The following IL31RA variants were observed in gnomAD, a reference collection of about 807,000 sequenced individuals.
The protein encoded by IL31RA is interleukin-31 receptor subunit alpha.
In IL31RA, 66 loss-of-function variants were observed where a neutral mutation model predicts 83.7. The ratio of observed to expected loss-of-function variants is 0.79; its 90% CI spans 0.65 to 0.97. The LOEUF (loss-of-function observed/expected upper bound fraction) is 0.97. Ranked by LOEUF, IL31RA falls within the 50% of genes least tolerant of loss-of-function variation. The pLI is 0.00. For synonymous variants in IL31RA, 325 were observed against 329.0 expected, an observed-to-expected ratio of 0.99 and a Z score of 0.13; for missense variants, 798 against 919.4, an observed-to-expected ratio of 0.87 and a Z score of 1.71.
At chr5:55,911,802 TGAAG>T (rs1749517159) in intron 12 of IL31RA, among the ~76,000 whole-genome samples, 1 of 152,170 alleles carries the variant, frequency 6.6e-6, no homozygotes, top group Non-Finnish European at 1.5e-5. Context: ...AGATTAAAAA[TGAAG>T]GAACACTGCC....
At chr5:55,880,191 T>C (rs989667898) in intron 4 of IL31RA, among the ~76,000 whole-genome samples, 5 of 152,258 alleles carry the variant, frequency 3.3e-5, no homozygotes, top group African/African-American at 1.2e-4. Flanking sequence ...ATGTCTATTG[T>C]ATACAGCTCT....
intron 6 of IL31RA, among the ~76,000 whole-genome samples, chr5:55,892,155 A>T (rs191756199): frequency 6.6e-6 from 1 of 152,154 alleles, no homozygotes; most frequent in Non-Finnish European, 1.5e-5. Context: ...TGATGGCCAC[A>T]CATCTTCTTC....
chr5:55,864,340 T>C (rs1329840821), intron 2 of IL31RA, among the ~76,000 whole-genome samples: 5 of 63,740 alleles, frequency 7.8e-5, no homozygotes, highest in East Asian at 6.1e-4. Context: ...CACACCACAC[T>C]ACACACACAC....
chr5:55,910,542 C>A lies in IL31RA; in HGVS notation c.1512C>A (p.Val504=). The A allele has an allele frequency of 6.2e-7, 1 of 1,614,132 alleles. No homozygotes were observed. Among genetic ancestry groups the A allele is most frequent in the Non-Finnish European group, 8.5e-7 (1 of 1,180,034 alleles). ...GTATTTTTCCTTTAGCCAAGACAGT[C>A]AATTCCAGCATCTTGCAGTACGGCC... ...AEGGKGFSKT[V]NSSILQYGLE... Residue 504 remains valine (V), a synonymous_variant, in exon 12 of 15, where the codon GTC becomes GTA. Transcript: ENST00000652347.
chr5:55,843,289 C>A, the IL31RA span, among the ~76,000 whole-genome samples: 3 of 152,294 alleles, frequency 2.0e-5, no homozygotes, highest in Non-Finnish European at 4.4e-5. Context: ...TTGCTTGATT[C>A]TGCAGGAAGT....
At chr5:55,904,952 T>C (rs950165282) in intron 8 of IL31RA, among the ~76,000 whole-genome samples, 2 of 151,286 alleles carry the variant, frequency 1.3e-5, no homozygotes, top group African/African-American at 2.4e-5. Flanking sequence ...TCCCAGCACT[T>C]TGGGAGACCG....
At chr5:55,913,593 G>C (rs1749624679) in intron 13 of IL31RA, 23 bp downstream of exon 13, 1 of 1,506,216 alleles carries the variant, frequency 6.6e-7, no homozygotes, top group African/African-American at 1.4e-5. Context: ...ACAACAGTGG[G>C]TGCCTTAAAA....
chr5:55,898,761 G>T (rs901260092), intron 7 of IL31RA, among the ~76,000 whole-genome samples: 34 of 151,844 alleles, frequency 2.2e-4, no homozygotes, highest in African/African-American at 7.5e-4. Flanking sequence ...GCGTGGACTG[G>T]GCCGGTAATC....
intron 1 of IL31RA, chr5:55,853,460 C>A: frequency 6.5e-7 from 1 of 1,543,336 alleles, no homozygotes; most frequent in South Asian, 1.2e-5. Flanking sequence ...AAATTAAAGT[C>A]CAGATTGTTC....
the IL31RA span, among the ~76,000 whole-genome samples, chr5:55,840,225 C>G: frequency 6.6e-6 from 1 of 152,172 alleles, no homozygotes; most frequent in African/African-American, 2.4e-5. Flanking sequence ...TCAGCAGTCA[C>G]GCTGGTAGAC....
At chr5:55,899,892 A>T in intron 7 of IL31RA, 24 bp from the exon 8 acceptor site, 1 of 1,568,066 alleles carries the variant, frequency 6.4e-7, no homozygotes, top group Non-Finnish European at 8.8e-7. Context: ...TATTGGCAAT[A>T]AATTTTGTTT....
intron 1 of IL31RA, among the ~76,000 whole-genome samples, chr5:55,858,052 A>G (rs957937653): frequency 6.6e-6 from 1 of 151,978 alleles, no homozygotes; most frequent in Non-Finnish European, 1.5e-5. Flanking sequence ...TTTTTTTTTA[A>G]ATTTCACAAA....
At chr5:55,907,244 A>G (rs1749209273) in intron 9 of IL31RA, 115 bp from the exon 10 acceptor site, 2 of 707,162 alleles carry the variant, frequency 2.8e-6, no homozygotes, top group Middle Eastern at 2.4e-4. Flanking sequence ...CCAGAGGTGG[A>G]AACTGTAGAG....
chr5:55,840,910 C>T, the IL31RA span, among the ~76,000 whole-genome samples: 4 of 152,242 alleles, frequency 2.6e-5, no homozygotes, highest in Middle Eastern at 3.4e-3. Flanking sequence ...ATAATGGCTG[C>T]GATCTTCATC....
At chr5:55,878,856 T>C (rs1460618033) in intron 4 of IL31RA, among the ~76,000 whole-genome samples, 1 of 152,150 alleles carries the variant, frequency 6.6e-6, no homozygotes, top group Non-Finnish European at 1.5e-5. Context: ...TTCACCATGC[T>C]GCCCAGGCCA....
At chr5:55,898,630 A>AAT (rs572297014) in intron 7 of IL31RA, among the ~76,000 whole-genome samples, 10,232 of 56,636 alleles carry the variant, frequency 0.18, 954 homozygotes, top group Non-Finnish European at 0.23. Context: ...ATAACATATT[A>AAT]ATGTTATTTT....
rs181062262 is a variant in IL31RA, at chr5:55,921,461, G to A, written c.*4341G>A. Among the ~76,000 whole-genome samples, 2 of 152,196 alleles carry A rather than the reference G, an allele frequency of 1.3e-5. No homozygotes were observed. The highest frequency in any genetic ancestry group is 6.5e-5 in the Admixed American group (1 of 15,284). On this transcript the variant is annotated 3_prime_UTR_variant, in exon 15 of 15. Coordinates refer to ENST00000652347, the MANE Select transcript of IL31RA (RefSeq NM_139017.7). ...GTCCTCCTAGTATAGAGTGCAATGC[G>A]ATAAACATTTATCTTTTCTTACCTT... is the stretch of plus-strand genomic sequence containing the variant.
At chr5:55,856,010 C>T (rs1745343232) in intron 1 of IL31RA, among the ~76,000 whole-genome samples, 1 of 152,206 alleles carries the variant, frequency 6.6e-6, no homozygotes, top group African/African-American at 2.4e-5. Context: ...AATTCTCCTG[C>T]CTTAGCCTCC....
At chr5:55,878,377 T>A (rs1332132346) in intron 4 of IL31RA, among the ~76,000 whole-genome samples, 1 of 152,216 alleles carries the variant, frequency 6.6e-6, no homozygotes, top group Admixed American at 6.5e-5. Flanking sequence ...TTGTTTTGTT[T>A]ACTTAAATGG....
Sources: allele counts gnomAD v4.1 joint callset (sites outside exome capture counted in the v4.1 genomes callset), GRCh38; gene constraint gnomAD v4.1.1; transcripts MANE v1.5; gene names NCBI Gene and HGNC (gene_info 2026-07-23, HGNC 2026-07-21).